Variants in TLN2 observed in about 807,000 individuals in gnomAD.
The protein encoded by TLN2 is talin-2.
In TLN2, 118 loss-of-function variants were observed where a neutral mutation model predicts 294.7. The observed-to-expected ratio is 0.40, with a 90% CI of 0.34 to 0.47. The LOEUF (loss-of-function observed/expected upper bound fraction) is 0.47, where lower values mean the gene tolerates loss of function less well. Ranked by LOEUF, TLN2 falls within the 20% of genes least tolerant of loss-of-function variation. The probability of loss-of-function intolerance (pLI) is 0.84; values close to 1 mark genes in which losing one functional copy is unlikely to be tolerated. For missense variants in TLN2, 3,083 were observed against 3,282.2 expected, an observed-to-expected ratio of 0.94 and a Z score of 1.48; for synonymous variants, 1,431 against 1,304.5, an observed-to-expected ratio of 1.10 and a Z score of -2.09.
intron 9 of TLN2, among the ~76,000 whole-genome samples, chr15:62,662,120 T>G (rs944263014): frequency 6.6e-6 from 1 of 151,782 alleles, no homozygotes; most frequent in Non-Finnish European, 1.5e-5. Context: ...AGAGAATCAA[T>G]AAACCCAAAA....
Position 62,716,725 on chromosome 15 carries a change from T to A in TLN2, c.2763+266T>A, listed in dbSNP as rs78102509. Among the ~76,000 whole-genome samples the A allele has an allele frequency of 6.1e-3, 935 of 152,304 alleles. 2 individuals carry two copies. Among genetic ancestry groups the A allele is most frequent in the Admixed American group, 0.012 (190 of 15,298 alleles). Reference sequence around the variant, plus strand: ...TTTTTTTTTCTATCATTAAAGGATATACACATTCAAGAAGGACCTTTTGCT... The same window carrying A: ...TTTTTTTTTCTATCATTAAAGGATAAACACATTCAAGAAGGACCTTTTGCT... On this transcript the variant is annotated intron_variant, in intron 23 of 58. Coordinates refer to ENST00000636159, the MANE Select transcript of TLN2 (RefSeq NM_015059.3).
intron 51 of TLN2, 51 bp downstream of exon 51, chr15:62,805,836 T>G: frequency 6.4e-7 from 1 of 1,571,590 alleles, no homozygotes; most frequent in Non-Finnish European, 8.7e-7. Context: ...CTGTCGTGAC[T>G]GGGTTGCTTG....
At position 62,698,725 on chromosome 15, in the gene TLN2, T is replaced by C. The variant is rs574059788; in HGVS notation, c.1474-29T>C. 3.3e-5 allele frequency: 53 copies of C among 1,587,696 alleles called. No individual in the cohort carries two copies. In the South Asian group the frequency reaches 5.3e-4, roughly 16 times the overall value. On this transcript the variant is annotated intron_variant, in intron 15 of 58. Transcript: ENST00000636159. The stretch of plus-strand genomic sequence containing the variant: ...CCATGTCGGTCCCAGGCGTGTGGGA[T>C]GACAGCTTTGTTTCATTTGCCTTTG...
chr15:62,675,432 G>A, intron 11 of TLN2, 111 bp downstream of exon 11: 1 of 1,097,320 alleles, frequency 9.1e-7, no homozygotes, highest in Non-Finnish European at 1.3e-6. Context: ...AGCATTTGCG[G>A]GTGGAACATC....
At chr15:62,537,049 T>G (rs1355935615) in intron 1 of TLN2, among the ~76,000 whole-genome samples, 1 of 151,682 alleles carries the variant, frequency 6.6e-6, no homozygotes, top group South Asian at 2.1e-4. Context: ...GACGGAGTCT[T>G]GCTCTGTCGC....
chr15:62,800,525 C>T, intron 49 of TLN2, 32 bp downstream of exon 49: 1 of 1,612,406 alleles, frequency 6.2e-7, no homozygotes, highest in Non-Finnish European at 8.5e-7. Context: ...GGATGAGCAC[C>T]TGAGTTCTCT....
intron 2 of TLN2, among the ~76,000 whole-genome samples, chr15:62,613,253 T>C (rs2048059508): frequency 6.6e-6 from 1 of 152,260 alleles, no homozygotes; most frequent in East Asian, 1.9e-4. Flanking sequence ...ATTTTGTTCT[T>C]TTTGATCCGT....
In TLN2 at chr15:62,840,738, G is replaced by T. The variant is rs923663809; in HGVS notation, c.*128G>T. ...CTCCCGGGTGAGCCTGGAGCCCTGCGTGCTTGTTCTCACATCTCTGTCCCG... is the reference window on the plus strand; with the variant it reads ...CTCCCGGGTGAGCCTGGAGCCCTGCTTGCTTGTTCTCACATCTCTGTCCCG... On this transcript the variant is annotated 3_prime_UTR_variant, in exon 59 of 59. Coordinates refer to ENST00000636159, the MANE Select transcript of TLN2 (RefSeq NM_015059.3). 2.0e-5 allele frequency: 26 copies of T among 1,332,048 alleles called. No individual in the cohort carries two copies. Among genetic ancestry groups the T allele is most frequent in the Middle Eastern group, 5.2e-4 (2 of 3,820 alleles). The allele number at this position is 1,332,048 out of a possible 1,614,324, so 82.5% of individuals were successfully genotyped here. A position where few individuals can be genotyped will look rare whatever the true frequency, so the allele number is the denominator to read the frequency against.
intron 40 of TLN2, among the ~76,000 whole-genome samples, chr15:62,765,626 T>C (rs1452557751): frequency 6.6e-6 from 1 of 152,184 alleles, no homozygotes; most frequent in Non-Finnish European, 1.5e-5. Flanking sequence ...TGGCTAAGAA[T>C]CTCCACCTTT....
chr15:62,393,183 C>T (rs1335956578), intron 1 of TLN2, among the ~76,000 whole-genome samples: 1 of 152,166 alleles, frequency 6.6e-6, no homozygotes, highest in Admixed American at 6.5e-5. Flanking sequence ...GGGGAAGCCA[C>T]TGGTTTCTCT....
chr15:62,719,943 T>A (rs182820155), intron 25 of TLN2, 63 bp downstream of exon 25: 3 of 1,265,052 alleles, frequency 2.4e-6, no homozygotes, highest in Non-Finnish European at 3.2e-6. Flanking sequence ...GGCTGCCCTT[T>A]AAGGAGAGGA....
intron 7 of TLN2, among the ~76,000 whole-genome samples, chr15:62,655,578 C>G: frequency 8.6e-5 from 1 of 11,688 alleles, no homozygotes; most frequent in Non-Finnish European, 4.3e-3. Context: ...ATTATACATT[C>G]ATTGTAGCAC....
At chr15:62,437,391 A>G (rs1352654270) in intron 1 of TLN2, among the ~76,000 whole-genome samples, 1 of 151,702 alleles carries the variant, frequency 6.6e-6, no homozygotes, top group Admixed American at 6.6e-5. Context: ...CTGGGACTAT[A>G]AGTGCGAGCC....
chr15:62,808,268 A>G (rs10851718), intron 51 of TLN2, among the ~76,000 whole-genome samples: 97,307 of 152,128 alleles, frequency 0.64, 33,803 homozygotes, highest in Non-Finnish European at 0.77. Flanking sequence ...TATGTCTACT[A>G]TTATAATTAA....
intron 1 of TLN2, among the ~76,000 whole-genome samples, chr15:62,496,676 A>G (rs990200241): frequency 2.6e-5 from 4 of 152,210 alleles, no homozygotes; most frequent in African/African-American, 9.6e-5. Context: ...CATTGACCTT[A>G]TGCATTGATG....
At chr15:62,421,879 G>GA (rs941448021) in intron 1 of TLN2, among the ~76,000 whole-genome samples, 1 of 151,770 alleles carries the variant, frequency 6.6e-6, no homozygotes, top group Non-Finnish European at 1.5e-5. Flanking sequence ...ACTTAAGCAA[G>GA]AAAAAAAAGT....
At position 62,445,177 on chromosome 15, in the gene TLN2, C is replaced by T. The variant is rs2035751502; in HGVS notation, c.-238+54492C>T. ...TGAAATGCCCAGGCTGCAGCACCTG[C>T]AGGTGTGACCCAGCTGACTCCAGGC... On this transcript the variant is annotated intron_variant, in intron 1 of 58. Transcript: ENST00000636159. Among the ~76,000 whole-genome samples the T allele has an allele frequency of 2.0e-5, 3 of 152,136 alleles. No homozygotes were observed. The South Asian group carries it at 6.2e-4, about 32-fold the overall frequency.
chr15:62,443,986 TCAAAA>T (rs1311997529), intron 1 of TLN2, among the ~76,000 whole-genome samples: 1 of 152,186 alleles, frequency 6.6e-6, no homozygotes, highest in Admixed American at 6.5e-5. Context: ...AGACCCTGTC[TCAAAA>T]CAAATAAAGG....
At chr15:62,617,501 C>T (rs967391400) in intron 2 of TLN2, among the ~76,000 whole-genome samples, 9 of 152,264 alleles carry the variant, frequency 5.9e-5, no homozygotes, top group African/African-American at 1.7e-4. Flanking sequence ...ACAAGAAACA[C>T]GACTGTAACA....
Sources: gnomAD v4.1 joint callset for allele counts (sites outside exome capture counted in the v4.1 genomes callset) on GRCh38, gnomAD v4.1.1 for gene constraint, MANE v1.5 for transcripts, NCBI Gene and HGNC (gene_info 2026-07-23, HGNC 2026-07-21) for gene names.